RASGRF1: variants seen among roughly 807,000 people sequenced by gnomAD.
RASGRF1 encodes ras-specific guanine nucleotide-releasing factor 1.
In RASGRF1, 40 loss-of-function variants were observed where a neutral mutation model predicts 138.7. That is an observed-to-expected ratio of 0.29 (90% CI 0.22 to 0.38). The LOEUF (loss-of-function observed/expected upper bound fraction) is 0.38. RASGRF1 is among the 10% of genes least tolerant of loss of function. The pLI is 1.00. For missense variants in RASGRF1, 1,108 were observed against 1,650.4 expected (o/e 0.67, Z 5.69); for synonymous variants, 614 against 663.2 (o/e 0.93, Z 1.14).
intron 1 of RASGRF1, among the ~76,000 whole-genome samples, chr15:79,084,067 C>A (rs1432709027): frequency 6.6e-6 from 1 of 152,190 alleles, no homozygotes; most frequent in African/African-American, 2.4e-5. Flanking sequence ...AAGATAAAAT[C>A]TCATGTGGAA....
chr15:78,963,110 C>T lies in RASGRF1; in HGVS notation c.3682-874G>A, dbSNP rs1303626720. 2.0e-5 allele frequency among the ~76,000 whole-genome samples: 3 copies of T among 152,050 alleles called. No individual in the cohort carries two copies. The East Asian group carries it at 5.8e-4, about 29-fold the overall frequency. Reference sequence around the variant, plus strand: ...GTTATCCTGTCTTCTCCTCTCTCCCCACCCCACTCCTGCTCTGAAGCATTT... The same window carrying T: ...GTTATCCTGTCTTCTCCTCTCTCCCTACCCCACTCCTGCTCTGAAGCATTT... On this transcript the variant is annotated intron_variant, in intron 26 of 26. Coordinates refer to ENST00000558480, the MANE Select transcript of RASGRF1 (RefSeq NM_001145648.3).
chr15:78,977,994 T>G (rs554874932), intron 24 of RASGRF1, among the ~76,000 whole-genome samples: 5 of 151,952 alleles, frequency 3.3e-5, no homozygotes, highest in African/African-American at 1.2e-4. Flanking sequence ...TATGTAGGCT[T>G]GGGGAATGAG....
intron 26 of RASGRF1, 79 bp downstream of exon 26, chr15:78,971,787 T>G: frequency 7.7e-7 from 1 of 1,303,964 alleles, no homozygotes; most frequent in Non-Finnish European, 1.1e-6. Flanking sequence ...TGGACGGGTA[T>G]GGAGGGGACA....
In RASGRF1 at chr15:79,017,914, T is replaced by G. The variant is rs16970441; in HGVS notation, c.1607-8A>C. ...CTTGGCCGGATCCTTTGGCTTCCAGTTGTAAAACATAAAGTTAGCAGCATG... is the reference window on the plus strand; with the variant it reads ...CTTGGCCGGATCCTTTGGCTTCCAGGTGTAAAACATAAAGTTAGCAGCATG... On this transcript the variant is annotated splice_region_variant and splice_polypyrimidine_tract_variant and intron_variant, in intron 11 of 26. Coordinates refer to ENST00000558480, the MANE Select transcript of RASGRF1 (RefSeq NM_001145648.3). 15,202 of 1,612,042 alleles carry G rather than the reference T, an allele frequency of 9.4e-3. 742 individuals carry two copies. In the African/African-American group the frequency reaches 0.13, roughly 14 times the overall value.
At chr15:78,965,496 C>G (rs1361283589) in intron 26 of RASGRF1, among the ~76,000 whole-genome samples, 3 of 152,142 alleles carry the variant, frequency 2.0e-5, no homozygotes, top group Admixed American at 6.5e-5. Flanking sequence ...TTATAAAGTC[C>G]TTTTACAAAG....
intron 19 of RASGRF1, among the ~76,000 whole-genome samples, chr15:78,997,261 C>T (rs1282666131): frequency 6.6e-6 from 1 of 152,150 alleles, no homozygotes; most frequent in African/African-American, 2.4e-5. Flanking sequence ...CACTCAAGCA[C>T]CTACAAATCA....
intron 13 of RASGRF1, among the ~76,000 whole-genome samples, chr15:79,010,028 GTTTGTTTT>G (rs2056763780): frequency 7.0e-6 from 1 of 143,322 alleles, no homozygotes; most frequent in Non-Finnish European, 1.5e-5. Context: ...CAGCCTCTTT[GTTTGTTTT>G]TTTTTTTTTT....
At chr15:78,996,430 G>C (rs754512124) in intron 19 of RASGRF1, among the ~76,000 whole-genome samples, 2 of 152,312 alleles carry the variant, frequency 1.3e-5, no homozygotes, top group Admixed American at 6.5e-5. Flanking sequence ...ACAGCCAGGG[G>C]TCTGCAGGCC....
At chr15:79,062,824 G>A (rs1438521555) in intron 2 of RASGRF1, among the ~76,000 whole-genome samples, 3 of 152,034 alleles carry the variant, frequency 2.0e-5, no homozygotes, top group Admixed American at 6.5e-5. Context: ...GATTACAGGC[G>A]TGAACCACTG....
chr15:79,078,509 C>T (rs963437672), intron 1 of RASGRF1, among the ~76,000 whole-genome samples: 8 of 152,192 alleles, frequency 5.3e-5, no homozygotes, highest in African/African-American at 1.9e-4. Context: ...GAGGCTAATA[C>T]TTCCATTGAG....
At chr15:78,998,846 G>T in intron 17 of RASGRF1, 21 bp from the exon 18 acceptor site, 1 of 1,573,512 alleles carries the variant, frequency 6.4e-7, no homozygotes, top group South Asian at 1.1e-5. Flanking sequence ...GCGTGGCAGA[G>T]GGGAGAGAGG....
At chr15:79,079,280 C>T (rs891486343) in intron 1 of RASGRF1, among the ~76,000 whole-genome samples, 1 of 152,186 alleles carries the variant, frequency 6.6e-6, no homozygotes, top group Non-Finnish European at 1.5e-5. Flanking sequence ...AGCCCCTTTT[C>T]TCATACTTGC....
At chr15:79,004,668 G>A (rs3784535) in intron 14 of RASGRF1, 259,594 of 985,996 alleles carry the variant, frequency 0.26, 34,806 homozygotes, top group Non-Finnish European at 0.28. Flanking sequence ...GGGCTTGAGC[G>A]GCCCTATATG....
chr15:79,026,838 A>C (rs569587323), intron 9 of RASGRF1, among the ~76,000 whole-genome samples: 2 of 152,294 alleles, frequency 1.3e-5, no homozygotes, highest in East Asian at 3.9e-4. Flanking sequence ...ACACAGCCCA[A>C]GGGGAGCTGA....
intron 20 of RASGRF1, among the ~76,000 whole-genome samples, chr15:78,992,105 C>T (rs1003532227): frequency 5.3e-5 from 8 of 152,254 alleles, no homozygotes; most frequent in African/African-American, 1.7e-4. Flanking sequence ...CAGAGGTGAG[C>T]CACTGGCCCA....
At chr15:79,033,189 G>T (rs1187964518) in intron 6 of RASGRF1, among the ~76,000 whole-genome samples, 2 of 152,100 alleles carry the variant, frequency 1.3e-5, no homozygotes, top group African/African-American at 4.8e-5. Flanking sequence ...CCCCAAATCT[G>T]CCCTTCAACG....
chr15:79,033,581 C>CTTTTTTTTTTTTTTTTTTTTTTTTT (rs71148586), intron 6 of RASGRF1, among the ~76,000 whole-genome samples: 1 of 93,972 alleles, frequency 1.1e-5, no homozygotes, highest in Non-Finnish European at 1.9e-5. Context: ...TTTTTCTTTT[C>CTTTTTTTTTTTTTTTTTTTTTTTTT]TTTTTTTTTT....
At chr15:78,987,913 A>G (rs2056195236) in intron 22 of RASGRF1, among the ~76,000 whole-genome samples, 1 of 152,160 alleles carries the variant, frequency 6.6e-6, no homozygotes, top group African/African-American at 2.4e-5. Context: ...CAGCTTGGCC[A>G]TGGTCCTGAA....
intron 1 of RASGRF1, among the ~76,000 whole-genome samples, chr15:79,075,854 T>C (rs1056507116): frequency 7.2e-5 from 11 of 152,230 alleles, no homozygotes; most frequent in African/African-American, 2.7e-4. Flanking sequence ...CTCTGAGCCC[T>C]GGTTCCTTTC....
Sources: gnomAD v4.1 joint callset for allele counts (sites outside exome capture counted in the v4.1 genomes callset) on GRCh38, gnomAD v4.1.1 for gene constraint, MANE v1.5 for transcripts, NCBI Gene and HGNC (gene_info 2026-07-23, HGNC 2026-07-21) for gene names.